The following GALNT17 variants were observed in gnomAD, a reference collection of about 807,000 sequenced individuals.
The protein encoded by GALNT17 is UDP-GalNAc:polypeptide N-acetylgalactosaminyltransferase-like 3.
In GALNT17, 29 loss-of-function variants were observed where a neutral mutation model predicts 63.7. The ratio of observed to expected loss-of-function variants is 0.46; its 90% CI spans 0.34 to 0.62. GALNT17 has a LOEUF of 0.62. GALNT17 is among the 20% of genes least tolerant of loss of function. The pLI is 0.01. For synonymous variants in GALNT17, 305 were observed against 318.3 expected, an observed-to-expected ratio of 0.96 and a Z score of 0.45; for missense variants, 603 against 799.6, an observed-to-expected ratio of 0.75 and a Z score of 2.97.
intron 1 of GALNT17, among the ~76,000 whole-genome samples, chr7:71,246,283 T>C (rs966035382): frequency 1.3e-5 from 2 of 151,396 alleles, no homozygotes; most frequent in African/African-American, 2.4e-5. Context: ...CCACCACTCC[T>C]GGCTAATTTT....
intron 3 of GALNT17, among the ~76,000 whole-genome samples, chr7:71,413,331 A>C (rs1775237646): frequency 6.6e-6 from 1 of 151,800 alleles, no homozygotes; most frequent in Non-Finnish European, 1.5e-5. Flanking sequence ...CATTAGCCTC[A>C]TTTACCTTAT....
At chr7:71,530,939 CAG>C (rs1788710864) in intron 5 of GALNT17, among the ~76,000 whole-genome samples, 1 of 152,138 alleles carries the variant, frequency 6.6e-6, no homozygotes, top group Non-Finnish European at 1.5e-5. Flanking sequence ...CATTGTCCAA[CAG>C]AACTTTCTGT....
chr7:71,438,489 G>A (rs927109180), intron 5 of GALNT17, among the ~76,000 whole-genome samples: 1 of 152,108 alleles, frequency 6.6e-6, no homozygotes, highest in African/African-American at 2.4e-5. Flanking sequence ...TCAATACTTT[G>A]CATCCTTCAA....
intron 1 of GALNT17, chr7:71,284,314 A>C (rs1035732474): frequency 2.0e-5 from 3 of 153,610 alleles, no homozygotes; most frequent in Non-Finnish European, 2.9e-5. Context: ...CTCCTGCCTC[A>C]GCCTCCCAAG....
chr7:71,488,872 G>T (rs373672876), intron 5 of GALNT17, among the ~76,000 whole-genome samples: 1 of 141,456 alleles, frequency 7.1e-6, no homozygotes, highest in African/African-American at 2.6e-5. Context: ...ATGAGCCACC[G>T]CGCCCAGCCA....
chr7:71,322,974 G>A (rs1791643027), intron 1 of GALNT17, among the ~76,000 whole-genome samples: 1 of 152,078 alleles, frequency 6.6e-6, no homozygotes, highest in South Asian at 2.1e-4. Context: ...AGATACTGTG[G>A]AAAGTATGAA....
chr7:71,296,170 T>C (rs895513144), intron 1 of GALNT17, among the ~76,000 whole-genome samples: 1 of 152,188 alleles, frequency 6.6e-6, no homozygotes, highest in Non-Finnish European at 1.5e-5. Context: ...TTAGTAATTA[T>C]CTTTCACATT....
intron 3 of GALNT17, among the ~76,000 whole-genome samples, chr7:71,391,073 G>A (rs140627120): frequency 1.3e-5 from 2 of 152,298 alleles, no homozygotes; most frequent in African/African-American, 4.8e-5. Context: ...TGAACTGGGT[G>A]GGATGTTTCC....
intron 2 of GALNT17, among the ~76,000 whole-genome samples, chr7:71,387,564 G>A (rs535868852): frequency 1.3e-5 from 2 of 152,204 alleles, no homozygotes; most frequent in East Asian, 3.9e-4. Flanking sequence ...GGCCTCAAGC[G>A]ACGCTCCCAC....
At chr7:71,414,811 C>T (rs1326888168) in intron 3 of GALNT17, among the ~76,000 whole-genome samples, 5 of 152,112 alleles carry the variant, frequency 3.3e-5, no homozygotes, top group Non-Finnish European at 4.4e-5. Context: ...GGTCAGCAGG[C>T]GGGATTCCCC....
At chr7:71,138,683 G>A (rs1007289677) in intron 1 of GALNT17, among the ~76,000 whole-genome samples, 10 of 152,104 alleles carry the variant, frequency 6.6e-5, no homozygotes, top group Non-Finnish European at 1.5e-4. Flanking sequence ...TTAGGAAAGT[G>A]GACCTAGTGG....
chr7:71,430,290 C>A (rs888801528), intron 5 of GALNT17, among the ~76,000 whole-genome samples: 2 of 152,106 alleles, frequency 1.3e-5, no homozygotes, highest in Non-Finnish European at 2.9e-5. Context: ...ATTTATTTAG[C>A]CTGAATGCAC....
At chr7:71,657,405 A>G (rs1373800972) in intron 6 of GALNT17, among the ~76,000 whole-genome samples, 2 of 152,248 alleles carry the variant, frequency 1.3e-5, no homozygotes, top group African/African-American at 4.8e-5. Context: ...TTTGGAGCCC[A>G]TAGCCTGTGA....
intron 5 of GALNT17, among the ~76,000 whole-genome samples, chr7:71,550,232 G>A (rs1449463154): frequency 1.3e-5 from 2 of 151,910 alleles, no homozygotes; most frequent in African/African-American, 2.4e-5. Flanking sequence ...ATAATGATAG[G>A]TAACTGGTTT....
Position 71,677,516 on chromosome 7 carries a change from A to AT in GALNT17, c.1500+226dup, listed in dbSNP as rs34765236. Among the ~76,000 whole-genome samples the AT allele has an allele frequency of 7.9e-3, 1,126 of 142,072 alleles. 20 individuals are homozygous for AT. Among genetic ancestry groups the AT allele is most frequent in the South Asian group, 0.028 (125 of 4,466 alleles). The allele number at this position is 142,072 out of a possible 152,430, so 93.2% of individuals were successfully genotyped here. A position where few individuals can be genotyped will look rare whatever the true frequency, so the allele number is the denominator to read the frequency against. ...CATAAGTGGTTGTTGCAGCATGCAG[A>AT]TTTTTTTTTTTTTTTTGAGATGGCG... is the stretch of plus-strand genomic sequence containing the variant. On this transcript the variant is annotated intron_variant, in intron 9 of 10. Transcript: ENST00000333538.
intron 1 of GALNT17, among the ~76,000 whole-genome samples, chr7:71,309,884 C>G (rs1267379512): frequency 1.3e-5 from 2 of 152,108 alleles, no homozygotes; most frequent in East Asian, 3.9e-4. Context: ...GGCTATGTCC[C>G]CACCCAGATC....
At chr7:71,612,508 G>T (rs969622276) in intron 6 of GALNT17, among the ~76,000 whole-genome samples, 2 of 152,204 alleles carry the variant, frequency 1.3e-5, no homozygotes, top group Admixed American at 6.5e-5. Flanking sequence ...AAGCCATGGT[G>T]CTAATATTCT....
rs536629463 is a variant in GALNT17 at position 71,556,646 on chromosome 7, GC to G, written c.963-14637del. 6.6e-5 allele frequency among the ~76,000 whole-genome samples: 10 copies of G among 152,162 alleles called. No individual in the cohort carries two copies. The East Asian group carries it at 1.7e-3, about 27-fold the overall frequency. ...CTGCTCTCGGCTCACTGCAGCCTCT[GC>G]CTCCTGGGCTCAAGTGATTCTCCTA... On this transcript the variant is annotated intron_variant, in intron 5 of 10. Coordinates refer to ENST00000333538, the MANE Select transcript of GALNT17 (RefSeq NM_022479.3).
At chr7:71,271,645 A>G (rs770049794) in intron 1 of GALNT17, among the ~76,000 whole-genome samples, 3 of 152,224 alleles carry the variant, frequency 2.0e-5, no homozygotes, top group Non-Finnish European at 2.9e-5. Flanking sequence ...AGTGTTGGCA[A>G]TGGATATGTA....
Sources: allele counts gnomAD v4.1 joint callset (sites outside exome capture counted in the v4.1 genomes callset), GRCh38; gene constraint gnomAD v4.1.1; transcripts MANE v1.5; gene names NCBI Gene and HGNC (gene_info 2026-07-23, HGNC 2026-07-21).